The following AS3MT variants were observed in gnomAD, a reference collection of about 807,000 sequenced individuals.
The protein encoded by AS3MT is S-adenosyl-L-methionine:arsenic(III) methyltransferase.
Under a neutral mutation model 45.3 loss-of-function variants are expected in AS3MT, and 47 were observed. That is an observed-to-expected ratio of 1.04 (90% CI 0.82 to 1.32). The LOEUF (loss-of-function observed/expected upper bound fraction) is 1.32. AS3MT is among the 40% of genes most tolerant of loss of function. The probability of loss-of-function intolerance (pLI) is 0.00; values close to 1 mark genes in which losing one functional copy is unlikely to be tolerated. For synonymous variants in AS3MT, 141 were observed against 152.8 expected (o/e 0.92, Z 0.57); for missense variants, 396 against 451.1 (o/e 0.88, Z 1.11).
At chr10:102,896,764 G>A (rs963939045) in intron 10 of AS3MT, among the ~76,000 whole-genome samples, 7 of 150,448 alleles carry the variant, frequency 4.7e-5, no homozygotes, top group East Asian at 3.9e-4. Context: ...AGCCGAGATC[G>A]CGCCACTGCA....
chr10:102,883,569 C>T (rs1157707599), intron 9 of AS3MT, among the ~76,000 whole-genome samples: 7 of 151,804 alleles, frequency 4.6e-5, no homozygotes, highest in Non-Finnish European at 7.4e-5. Context: ...AAAAATTAGC[C>T]GGGCGTGGTG....
intron 8 of AS3MT, 50 bp from the exon 9 acceptor site, chr10:102,878,799 A>C (rs1363086795): frequency 3.8e-6 from 6 of 1,586,982 alleles, no homozygotes; most frequent in Non-Finnish European, 5.1e-6. Flanking sequence ...TGAGCAAGGC[A>C]ACAACTGGGG....
intron 10 of AS3MT, among the ~76,000 whole-genome samples, chr10:102,894,257 C>T (rs769428936): frequency 4.0e-5 from 6 of 151,724 alleles, no homozygotes; most frequent in Non-Finnish European, 8.8e-5. Flanking sequence ...AACCCCGTCT[C>T]TACTAAAAAT....
chr10:102,878,266 A>T (rs1330225885), intron 7 of AS3MT, 113 bp from the exon 8 acceptor site: 4 of 1,421,592 alleles, frequency 2.8e-6, no homozygotes, highest in Non-Finnish European at 1.9e-6. Context: ...TACTGCTAGG[A>T]TCTATGTTTT....
intron 9 of AS3MT, among the ~76,000 whole-genome samples, chr10:102,888,881 ATTT>A (rs869038434): frequency 5.3e-4 from 28 of 52,496 alleles, no homozygotes; most frequent in South Asian, 3.0e-3. Flanking sequence ...ATATATATAT[ATTT>A]TTTTTTTTTT....
chr10:102,874,720 T>A, intron 6 of AS3MT, 59 bp downstream of exon 6: 1 of 1,229,662 alleles, frequency 8.1e-7, no homozygotes. Flanking sequence ...ATGGGTTAAG[T>A]CTTGTTTGTT....
In AS3MT at chr10:102,890,585, C is replaced by A. The variant is rs554600223; in HGVS notation, c.927C>A (p.Ile309=). ...IVEVDEETAA[I]LKNSRFAQDF... is the part of the protein sequence containing the mutation. ...AAGTGGATGAAGAAACAGCAGCTAT[C>A]TTGAAGAATTCAAGATTTGCTCAAG... Residue 309 remains isoleucine, a synonymous_variant, in exon 10 of 11, where the codon ATC becomes ATA. Transcript: ENST00000369880. 9.9e-6 allele frequency: 16 copies of A among 1,610,912 alleles called. No individual in the cohort carries two copies. Among genetic ancestry groups the A allele is most frequent in the Admixed American group, 1.7e-5 (1 of 59,328 alleles).
chr10:102,880,286 A>G (rs1844853025), intron 9 of AS3MT, among the ~76,000 whole-genome samples: 1 of 135,178 alleles, frequency 7.4e-6, no homozygotes, highest in South Asian at 2.5e-4. Context: ...TTCTGGCTCT[A>G]TTATTATTGT....
intron 6 of AS3MT, 133 bp from the exon 7 acceptor site, chr10:102,876,821 T>G (rs938303677): frequency 1.2e-6 from 1 of 862,604 alleles, no homozygotes; most frequent in African/African-American, 1.7e-5. Context: ...AGCTGCTATT[T>G]GTTCACAAAG....
intron 10 of AS3MT, among the ~76,000 whole-genome samples, chr10:102,895,279 C>T (rs928984072): frequency 6.6e-6 from 1 of 151,904 alleles, no homozygotes; most frequent in African/African-American, 2.4e-5. Flanking sequence ...CTCACTGCAG[C>T]CTCTGCCTCC....
intron 10 of AS3MT, among the ~76,000 whole-genome samples, chr10:102,895,011 GTCACAGGCCAT>G (rs1001816753): frequency 3.3e-5 from 5 of 152,200 alleles, no homozygotes; most frequent in African/African-American, 1.2e-4. Context: ...TGAGGGCTGT[GTCACAGGCCAT>G]TGGTCACTTA....
At chr10:102,887,918 G>A (rs1174270028) in intron 9 of AS3MT, 6 of 153,642 alleles carry the variant, frequency 3.9e-5, no homozygotes, top group Non-Finnish European at 8.8e-5. Context: ...TTTGCTGTTA[G>A]CAACTACACA....
chr10:102,884,300 A>C (rs1265711992), intron 9 of AS3MT, among the ~76,000 whole-genome samples: 2 of 151,958 alleles, frequency 1.3e-5, no homozygotes, highest in East Asian at 1.9e-4. Flanking sequence ...ATACATTGTT[A>C]TTAACTATAG....
At chr10:102,891,632 C>T (rs931829242) in intron 10 of AS3MT, among the ~76,000 whole-genome samples, 1 of 152,034 alleles carries the variant, frequency 6.6e-6, no homozygotes, top group Non-Finnish European at 1.5e-5. Flanking sequence ...CATAAATTGG[C>T]CTTACTATAA....
chr10:102,897,130 T>C (rs1293790355), intron 10 of AS3MT, among the ~76,000 whole-genome samples: 2 of 152,074 alleles, frequency 1.3e-5, no homozygotes, highest in African/African-American at 4.8e-5. Context: ...ACGCCTGTAA[T>C]CCCAGCACTT....
intron 9 of AS3MT, among the ~76,000 whole-genome samples, chr10:102,880,302 AT>A (rs34860028): frequency 0.37 from 56,230 of 151,104 alleles, 10,687 homozygotes; most frequent in East Asian, 0.56. Context: ...ATTGTTTTTT[AT>A]TTTTTTTTCT....
chr10:102,889,610 G>GCCTTCCTTCCTT (rs1172760780), intron 9 of AS3MT, among the ~76,000 whole-genome samples: 2 of 74,996 alleles, frequency 2.7e-5, no homozygotes, highest in East Asian at 1.7e-3. Flanking sequence ...CTGCCTGTCT[G>GCCTTCCTTCCTT]CCTGCCTTCC....
intron 6 of AS3MT, among the ~76,000 whole-genome samples, chr10:102,876,129 C>G (rs923467816): frequency 9.9e-5 from 15 of 151,996 alleles, no homozygotes; most frequent in African/African-American, 3.1e-4. Flanking sequence ...TCCAGGTTTC[C>G]AGGTTTTTGA....
chr10:102,896,740 C>T (rs1302736667), intron 10 of AS3MT, among the ~76,000 whole-genome samples: 3 of 148,226 alleles, frequency 2.0e-5, no homozygotes, highest in African/African-American at 7.5e-5. Flanking sequence ...CCTGGAGGGG[C>T]GGAGGTTGCA....
Sources: allele counts gnomAD v4.1 joint callset (sites outside exome capture counted in the v4.1 genomes callset), GRCh38; gene constraint gnomAD v4.1.1; transcripts MANE v1.5; gene names NCBI Gene and HGNC (gene_info 2026-07-23, HGNC 2026-07-21).